Variants in WWP2 observed in about 807,000 individuals in gnomAD.
WWP2 encodes the protein NEDD4-like E3 ubiquitin-protein ligase WWP2.
Under a neutral mutation model 121.0 loss-of-function variants are expected in WWP2, and 57 were observed. The observed-to-expected ratio is 0.47, with a 90% CI of 0.38 to 0.59. The LOEUF is 0.59. Among genes scored for constraint, WWP2 ranks in the 20% least tolerant of loss-of-function variants. The pLI is 0.00. For synonymous variants in WWP2, 449 were observed against 441.3 expected (o/e 1.02, Z -0.22); for missense variants, 962 against 1,158.9 (o/e 0.83, Z 2.47).
At chr16:69,788,815 T>C (rs2055846626) in intron 2 of WWP2, among the ~76,000 whole-genome samples, 2 of 152,146 alleles carry the variant, frequency 1.3e-5, no homozygotes, top group Admixed American at 6.6e-5. Context: ...AGTAGAACAG[T>C]GCCTGACACA....
rs1597676780 is a variant in WWP2 at position 69,794,338 on chromosome 16, C to G, written c.71-4344C>G. Reference sequence around the variant, plus strand: ...CTCAGGCTTAAAGTTTGAGACCAGCCTGGGCAACATGGAAACCCTGTCTCT... The same window carrying G: ...CTCAGGCTTAAAGTTTGAGACCAGCGTGGGCAACATGGAAACCCTGTCTCT... On this transcript the variant is annotated intron_variant, in intron 2 of 23. Transcript: ENST00000359154. 3.3e-5 allele frequency among the ~76,000 whole-genome samples: 5 copies of G among 152,074 alleles called. No individual in the cohort carries two copies. In the South Asian group the frequency reaches 1.0e-3, roughly 32 times the overall value.
At chr16:69,837,689 C>T (rs962697332) in intron 4 of WWP2, among the ~76,000 whole-genome samples, 5 of 152,302 alleles carry the variant, frequency 3.3e-5, no homozygotes, top group South Asian at 2.1e-4. Flanking sequence ...AAACGATGAC[C>T]TTTGAGGTAT....
chr16:69,927,442 G>T (rs1442422124), intron 11 of WWP2, among the ~76,000 whole-genome samples: 1 of 141,602 alleles, frequency 7.1e-6, no homozygotes, highest in Non-Finnish European at 1.6e-5. Context: ...TGGGCCTGTG[G>T]CTGAATATGT....
At chr16:69,838,311 C>T (rs2056912588) in intron 4 of WWP2, among the ~76,000 whole-genome samples, 2 of 152,074 alleles carry the variant, frequency 1.3e-5, no homozygotes, top group Non-Finnish European at 2.9e-5. Flanking sequence ...GCACAGCTCT[C>T]AGGGACTAGA....
At chr16:69,879,768 A>T (rs988799891) in intron 7 of WWP2, among the ~76,000 whole-genome samples, 2 of 152,302 alleles carry the variant, frequency 1.3e-5, no homozygotes, top group Non-Finnish European at 2.9e-5. Context: ...TGTATTTAAC[A>T]TGTCATGCCC....
chr16:69,887,759 T>C (rs1197220389), intron 7 of WWP2, among the ~76,000 whole-genome samples: 1 of 152,144 alleles, frequency 6.6e-6, no homozygotes, highest in Non-Finnish European at 1.5e-5. Context: ...TTGCAATAAA[T>C]GTAAATGTAA....
intron 2 of WWP2, among the ~76,000 whole-genome samples, chr16:69,789,555 G>T (rs1006976800): frequency 1.3e-5 from 2 of 152,084 alleles, no homozygotes; most frequent in Admixed American, 6.6e-5. Context: ...CTTTCCTGCA[G>T]TCCTTCAGTG....
intron 10 of WWP2, among the ~76,000 whole-genome samples, chr16:69,921,780 A>T (rs2058565833): frequency 6.6e-6 from 1 of 152,074 alleles, no homozygotes; most frequent in Admixed American, 6.6e-5. Context: ...CAGTATTGAA[A>T]CAGATTATTT....
intron 2 of WWP2, among the ~76,000 whole-genome samples, chr16:69,793,911 CT>C (rs71151135): frequency 0.011 from 696 of 62,352 alleles, 3 homozygotes; most frequent in African/African-American, 0.036. Flanking sequence ...ATTATCCTTG[CT>C]TTTTTTTTTT....
intron 10 of WWP2, among the ~76,000 whole-genome samples, chr16:69,920,570 T>C (rs1490114985): frequency 2.0e-5 from 3 of 152,100 alleles, no homozygotes; most frequent in African/African-American, 7.2e-5. Flanking sequence ...CAAGGACGTA[T>C]TTTAGGAGTT....
At chr16:69,886,012 G>A (rs1054968861) in intron 7 of WWP2, among the ~76,000 whole-genome samples, 2 of 152,200 alleles carry the variant, frequency 1.3e-5, no homozygotes, top group Non-Finnish European at 2.9e-5. Flanking sequence ...AAGGGGGGTT[G>A]CCTAGAAACA....
rs550445758 is a variant in WWP2, at chr16:69,822,292, G to GGGC, written c.341-17833_341-17831dup. ...ATGAGCCTTGCTTGTAGCAGGGGCA[G>GGGC]GGCCTGACGCTGATTTATCAGCTTT... On this transcript the variant is annotated intron_variant, in intron 4 of 23. Coordinates refer to ENST00000359154, the MANE Select transcript of WWP2 (RefSeq NM_001270454.2). 8.8e-3 allele frequency among the ~76,000 whole-genome samples: 1,344 copies of GGGC among 152,280 alleles called. 7 individuals are homozygous for GGGC. The highest frequency in any genetic ancestry group is 0.015 in the Non-Finnish European group (1,041 of 68,020).
intron 6 of WWP2, among the ~76,000 whole-genome samples, chr16:69,850,716 A>T (rs8057620): frequency 0.54 from 81,388 of 152,034 alleles, 22,748 homozygotes; most frequent in African/African-American, 0.71. Context: ...AGTCATTTAG[A>T]AATGTTGACA....
At chr16:69,826,381 C>T (rs1452926000) in intron 4 of WWP2, among the ~76,000 whole-genome samples, 1 of 150,566 alleles carries the variant, frequency 6.6e-6, no homozygotes, top group African/African-American at 2.5e-5. Context: ...GCTTGGCCAA[C>T]ATAGTGAAAC....
At chr16:69,897,094 C>CTT (rs11343848) in intron 8 of WWP2, among the ~76,000 whole-genome samples, 3 of 145,698 alleles carry the variant, frequency 2.1e-5, no homozygotes, top group Admixed American at 6.9e-5. Flanking sequence ...CTCTCCCCGT[C>CTT]TTTTTTTTTT....
intron 6 of WWP2, among the ~76,000 whole-genome samples, chr16:69,868,199 T>C: frequency 6.6e-6 from 1 of 152,172 alleles, no homozygotes; most frequent in Admixed American, 6.6e-5. Context: ...GGGTGGTGGC[T>C]GGCCACGGGC....
chr16:69,880,143 A>G (rs922903358), intron 7 of WWP2, among the ~76,000 whole-genome samples: 4 of 150,810 alleles, frequency 2.7e-5, no homozygotes, highest in African/African-American at 9.7e-5. Context: ...ATAACTATAA[A>G]TATGTATTTA....
chr16:69,895,288 C>T (rs2058089952), intron 8 of WWP2: 1 of 152,224 alleles, frequency 6.6e-6, no homozygotes, highest in Non-Finnish European at 1.5e-5. Context: ...AAGAGTCTTA[C>T]CCAAGGAGTT....
rs1299997299 is a variant in WWP2 at position 69,937,631 on chromosome 16, G to A, written c.2322G>A (p.Lys774=). The change falls in exon 21 of 24, where the codon AAG becomes AAA. Residue 774 remains lysine (K), a synonymous_variant. Coordinates refer to ENST00000359154, the MANE Select transcript of WWP2 (RefSeq NM_001270454.2). This position sits in a 1 kb window ranked among gnomAD's most constrained non-coding sequence, Gnocchi z 6.6. ...TIYRHYTKNS[K]QIQWFWQVVK... ...ACCGGCACTACACCAAGAACAGCAA[G>A]CAGATCCAGTGGTTCTGGCAGGTGG... 7 of 1,613,890 alleles carry A rather than the reference G, an allele frequency of 4.3e-6. No individual in the cohort carries two copies. The highest frequency in any genetic ancestry group is 5.9e-6 in the Non-Finnish European group (7 of 1,180,004).
Sources: allele counts gnomAD v4.1 joint callset (sites outside exome capture counted in the v4.1 genomes callset), GRCh38; gene constraint gnomAD v4.1.1; non-coding constraint Gnocchi (gnomAD v3.1); transcripts MANE v1.5; gene names NCBI Gene and HGNC (gene_info 2026-07-23, HGNC 2026-07-21).